TP73: variants seen among roughly 807,000 people sequenced by gnomAD.
TP73 encodes the protein p53-like transcription factor.
In TP73, 25 loss-of-function variants were observed where a neutral mutation model predicts 62.5. That is an observed-to-expected ratio of 0.40 (90% CI 0.29 to 0.56). TP73 has a LOEUF of 0.56. Among genes scored for constraint, TP73 ranks in the 20% least tolerant of loss-of-function variants. The probability of loss-of-function intolerance (pLI) is 0.46; values close to 1 mark genes in which losing one functional copy is unlikely to be tolerated. For synonymous variants in TP73, 423 were observed against 377.5 expected, an observed-to-expected ratio of 1.12 and a Z score of -1.40; for missense variants, 754 against 913.3, an observed-to-expected ratio of 0.83 and a Z score of 2.25.
In TP73 at chr1:3,733,412, T is replaced by G. The variant is rs1642284403; in HGVS notation, c.*333T>G. On this transcript the variant is annotated 3_prime_UTR_variant, in exon 14 of 14. Transcript: ENST00000378295. ...GGGGACCGCAGCGTCGGCTCCGACT[T>G]CCAGGCTTCATCCTAGAGACTGTCA... 2.5e-6 allele frequency: 1 copy of G among 397,978 alleles called. No homozygotes were observed. The highest frequency in any genetic ancestry group is 4.6e-6 in the Non-Finnish European group (1 of 217,284). 24.7% of individuals were successfully genotyped at this position (397,978 alleles called of 1,614,324 possible). A position where few individuals can be genotyped will look rare whatever the true frequency, so the allele number is the denominator to read the frequency against.
chr1:3,657,889 C>T lies in TP73; in HGVS notation c.-34+5248C>T, dbSNP rs117395896. On this transcript the variant is annotated intron_variant, in intron 1 of 13. Coordinates refer to ENST00000378295, the MANE Select transcript of TP73 (RefSeq NM_005427.4). ...TGGGGACTGCTTGGGCCGCATAGCC[C>T]CCAGTTAGGGACAGAAACCAGAGGT... Among the ~76,000 whole-genome samples the T allele has an allele frequency of 7.5e-3, 1,085 of 145,124 alleles. 22 individuals carry two copies. Among genetic ancestry groups the T allele is most frequent in the East Asian group, 0.058 (274 of 4,694 alleles).
intron 1 of TP73, among the ~76,000 whole-genome samples, chr1:3,668,395 G>A (rs917200925): frequency 1.6e-4 from 24 of 152,140 alleles, no homozygotes. Flanking sequence ...CAGTGGCAGC[G>A]ACACACACTT....
chr1:3,673,483 C>G (rs545283111), intron 1 of TP73, among the ~76,000 whole-genome samples: 4 of 152,360 alleles, frequency 2.6e-5, no homozygotes, highest in African/African-American at 9.6e-5. Context: ...AGAGTTACTT[C>G]ATTCCACCTA....
chr1:3,693,101 G>A (rs1274516618), intron 3 of TP73, among the ~76,000 whole-genome samples: 2 of 152,210 alleles, frequency 1.3e-5, no homozygotes, highest in African/African-American at 2.4e-5. Flanking sequence ...AGTGCCCAGA[G>A]CCAGCCATGT....
Position 3,677,013 on chromosome 1 carries a change from C to A in TP73, c.-33-5320C>A, listed in dbSNP as rs527497964. The stretch of plus-strand genomic sequence containing the variant: ...GTGGAACTGCCCCTGGTGAGAACCC[C>A]TAGGCTGAGACCTCAGAAGGCCCTG... On this transcript the variant is annotated intron_variant, in intron 1 of 13. Coordinates refer to ENST00000378295, the MANE Select transcript of TP73 (RefSeq NM_005427.4). Among the ~76,000 whole-genome samples the A allele has an allele frequency of 3.3e-5, 5 of 152,010 alleles. No individual in the cohort carries two copies. In the South Asian group the frequency reaches 1.0e-3, roughly 32 times the overall value.
rs374103995 is a variant in TP73 at position 3,662,952 on chromosome 1, G to T, written c.-34+10311G>T. 9.8e-5 allele frequency among the ~76,000 whole-genome samples: 15 copies of T among 152,366 alleles called. No individual in the cohort carries two copies. The East Asian group carries it at 1.3e-3, about 14-fold the overall frequency. ...CTTTTATAAGAGAAACTTGTCTCTG[G>T]TCCCATGTGTTGCCCTTTGGGCACT... On this transcript the variant is annotated intron_variant, in intron 1 of 13. Transcript: ENST00000378295. This position sits in a 1 kb window ranked among gnomAD's most constrained non-coding sequence, Gnocchi z 4.4.
At chr1:3,689,093 C>T (rs182551955) in intron 3 of TP73, among the ~76,000 whole-genome samples, 79 of 152,238 alleles carry the variant, frequency 5.2e-4, no homozygotes, top group African/African-American at 1.8e-3. Context: ...GGGGAGCCCG[C>T]CCCCAACCCA....
At chr1:3,689,054 G>A (rs1344661048) in intron 3 of TP73, among the ~76,000 whole-genome samples, 4 of 152,006 alleles carry the variant, frequency 2.6e-5, no homozygotes, top group Admixed American at 6.5e-5. Context: ...GCCCCGCCTC[G>A]GCCCTGCTCT....
At chr1:3,669,102 C>T (rs2102039200) in intron 1 of TP73, among the ~76,000 whole-genome samples, 1 of 152,358 alleles carries the variant, frequency 6.6e-6, no homozygotes, top group East Asian at 1.9e-4. Flanking sequence ...CTGCGGGAGC[C>T]AGGAGCCAGC....
In TP73 at chr1:3,710,856, T is replaced by TC. The variant is rs201301292; in HGVS notation, c.429+3071dup. Among the ~76,000 whole-genome samples the TC allele has an allele frequency of 9.2e-3, 1,403 of 151,926 alleles. 26 individuals are homozygous for TC. The highest frequency in any genetic ancestry group is 0.033 in the African/African-American group (1,349 of 41,424). On this transcript the variant is annotated intron_variant, in intron 4 of 13. Coordinates refer to ENST00000378295, the MANE Select transcript of TP73 (RefSeq NM_005427.4). ...AGGCATGCGTGTACATGCACAGGCC[T>TC]CCCCCCATCACTGCCCAGGGTTCTA...
chr1:3,674,818 T>C (rs1008752556), intron 1 of TP73, among the ~76,000 whole-genome samples: 42 of 152,316 alleles, frequency 2.8e-4, no homozygotes, highest in African/African-American at 9.9e-4. Flanking sequence ...CCTGCAGGAA[T>C]TCCGCTGGGC....
intron 1 of TP73, among the ~76,000 whole-genome samples, chr1:3,681,294 G>A (rs1164414917): frequency 6.6e-6 from 1 of 152,230 alleles, no homozygotes; most frequent in African/African-American, 2.4e-5. Context: ...GCACCTCACC[G>A]AGGACCTGGG....
intron 4 of TP73, among the ~76,000 whole-genome samples, chr1:3,709,750 G>T (rs1453221716): frequency 1.3e-5 from 2 of 152,230 alleles, no homozygotes; most frequent in African/African-American, 4.8e-5. Flanking sequence ...CTGCCCTGGG[G>T]TTTATGATGC....
intron 4 of TP73, chr1:3,708,191 T>C (rs1456711964): frequency 1.3e-5 from 3 of 222,594 alleles, no homozygotes; most frequent in Non-Finnish European, 2.7e-5. Context: ...CCCTAGGGTC[T>C]GCAGAACCTG....
At chr1:3,702,409 T>A (rs1639244381) in intron 3 of TP73, among the ~76,000 whole-genome samples, 1 of 152,096 alleles carries the variant, frequency 6.6e-6, no homozygotes, top group South Asian at 2.1e-4. Flanking sequence ...ACTGTGTTGA[T>A]ACCTGTGACT....
At position 3,722,732 on chromosome 1, in the gene TP73, TCTC is replaced by T. The variant is rs200172224; in HGVS notation, c.616+526_616+528del. Among the ~76,000 whole-genome samples the T allele has an allele frequency of 2.3e-3, 343 of 148,300 alleles. 3 individuals are homozygous for T. The East Asian group carries it at 0.044, about 19-fold the overall frequency. ...TGCACCTGGCACAGGGCTGGGCACC[TCTC>T]TTCACCTGGCATGGGGCTGGGCACC... On this transcript the variant is annotated intron_variant, in intron 5 of 13. Coordinates refer to ENST00000378295, the MANE Select transcript of TP73 (RefSeq NM_005427.4).
At chr1:3,690,291 T>C (rs1645778550) in intron 3 of TP73, among the ~76,000 whole-genome samples, 1 of 151,990 alleles carries the variant, frequency 6.6e-6, no homozygotes, top group Non-Finnish European at 1.5e-5. Flanking sequence ...GGACTGGTCC[T>C]GGCGGACCAC....
chr1:3,698,235 G>T lies in TP73; in HGVS notation c.187-9314G>T, dbSNP rs573517864. The T allele has an allele frequency of 3.1e-4, 175 of 556,400 alleles. 1 individual carries two copies. In the African/African-American group the frequency reaches 3.2e-3, roughly 10 times the overall value. The allele number at this position is 556,400 out of a possible 1,614,324, so 34.5% of individuals were successfully genotyped here. On this transcript the variant is annotated intron_variant, in intron 3 of 13. Coordinates refer to ENST00000378295, the MANE Select transcript of TP73 (RefSeq NM_005427.4). ...GGCTGACACCTGGGTTGGGCTCTGGGGTGCTGGCAGCAGGGTTCGGAGAGG... is the reference window on the plus strand; with the variant it reads ...GGCTGACACCTGGGTTGGGCTCTGGTGTGCTGGCAGCAGGGTTCGGAGAGG...
intron 3 of TP73, among the ~76,000 whole-genome samples, chr1:3,688,232 G>A (rs1394522102): frequency 6.6e-6 from 1 of 152,146 alleles, no homozygotes; most frequent in Non-Finnish European, 1.5e-5. Context: ...GGGCTTTCGT[G>A]ACAAAGCACT....
Sources: allele counts gnomAD v4.1 joint callset (sites outside exome capture counted in the v4.1 genomes callset), GRCh38; gene constraint gnomAD v4.1.1; non-coding constraint Gnocchi (gnomAD v3.1); transcripts MANE v1.5; gene names NCBI Gene and HGNC (gene_info 2026-07-23, HGNC 2026-07-21).